Variants in TSR1 observed in about 807,000 individuals in gnomAD.
TSR1 encodes the protein pre-rRNA-processing protein TSR1 homolog.
A neutral mutation model predicts 90.9 loss-of-function variants in TSR1; 81 were observed. The ratio of observed to expected loss-of-function variants is 0.89; its 90% CI spans 0.74 to 1.07. TSR1 has a LOEUF of 1.07. TSR1 is among the 50% of genes least tolerant of loss of function. The probability of loss-of-function intolerance (pLI) is 0.00; values close to 1 mark genes in which losing one functional copy is unlikely to be tolerated. For missense variants in TSR1, 989 were observed against 987.3 expected (o/e 1.00, Z -0.02); for synonymous variants, 362 against 348.8 (o/e 1.04, Z -0.42).
At position 2,324,229 on chromosome 17, in the gene TSR1, AATCTCAC is replaced by A; in HGVS notation, c.2375_2381del (p.Ser792IlefsTer57). 6.5e-7 allele frequency: 1 copy of A among 1,528,690 alleles called. No homozygotes were observed. The highest frequency in any genetic ancestry group is 8.7e-7 in the Non-Finnish European group (1 of 1,144,482). 94.7% of individuals were successfully genotyped at this position (1,528,690 alleles called of 1,614,324 possible). A position where few individuals can be genotyped will look rare whatever the true frequency, so the allele number is the denominator to read the frequency against. On this transcript the variant is annotated frameshift_variant, in exon 15 of 15. Transcript: ENST00000301364. LOFTEE classifies it high-confidence loss of function. ...TGCCCCCTTGAGGCACTGTTGAAGA[AATCTCAC>A]TTTTCAGCCAGGGTACTGGTTCTGG...
In TSR1 at chr17:2,324,816, G is replaced by A; in HGVS notation, c.2034C>T (p.Leu678=). The A allele has an allele frequency of 1.2e-6, 2 of 1,611,522 alleles. No individual in the cohort carries two copies. Among genetic ancestry groups the A allele is most frequent in the Non-Finnish European group, 8.5e-7 (1 of 1,179,376 alleles). Residue 678 remains leucine, a synonymous_variant, in exon 13 of 15, where the codon CTC becomes CTT. Transcript: ENST00000301364. The stretch of plus-strand genomic sequence containing the variant: ...CTGACATAAGATGGCCTGTAGCAAT[G>A]AGGCTGTGCATTCCTAAAGGACAAA... The part of the protein sequence containing the change: ...FKQKSNGMHS[L]IATGHLMSVD...
intron 7 of TSR1, 125 bp from the exon 8 acceptor site, chr17:2,332,484 A>T: frequency 1.2e-6 from 1 of 821,638 alleles, no homozygotes; most frequent in Admixed American, 3.1e-5. Flanking sequence ...ATTCTAATAC[A>T]GTCTAAAGTA....
chr17:2,329,612 T>C (rs991018340), intron 10 of TSR1, 137 bp from the exon 11 acceptor site: 7 of 1,074,290 alleles, frequency 6.5e-6, no homozygotes, highest in African/African-American at 1.6e-5. Context: ...GGAGTGTAGA[T>C]GCTGAAACAC....
chr17:2,324,945 C>T, intron 12 of TSR1, 116 bp from the exon 13 acceptor site: 2 of 1,173,626 alleles, frequency 1.7e-6, no homozygotes, highest in Non-Finnish European at 2.3e-6. Flanking sequence ...TGCCCTAGCC[C>T]AATCTGAGGC....
rs2075564971 is a variant in TSR1 at position 2,324,776 on chromosome 17, T to C, written c.2074A>G (p.Met692Val). The change falls in exon 13 of 15, where the codon ATG (methionine) becomes GTG (valine). Residue 692 changes from methionine to valine, a missense_variant. Physicochemically the swap from Met to Val is conservative, Grantham distance 21. Coordinates refer to ENST00000301364, the MANE Select transcript of TSR1 (RefSeq NM_018128.5). ...CTCAGAACAACTCTCTTGATGACCA[T>C]TCTGTCTGGATCTACTGACATAAGA... ...GHLMSVDPDR[M>V]VIKRVVLSGH... 2 of 1,614,180 alleles carry C rather than the reference T, an allele frequency of 1.2e-6. No homozygotes were observed. The highest frequency in any genetic ancestry group is 4.5e-5 in the East Asian group (2 of 44,892).
chr17:2,333,237 AGACACT>A, intron 6 of TSR1, 113 bp from the exon 7 acceptor site: 1 of 1,253,844 alleles, frequency 8.0e-7, no homozygotes, highest in Non-Finnish European at 1.1e-6. Flanking sequence ...AAATTCTGGC[AGACACT>A]GTAAATAGAA....
At chr17:2,329,231 C>T in intron 11 of TSR1, 112 bp downstream of exon 11, 1 of 1,500,564 alleles carries the variant, frequency 6.7e-7, no homozygotes, top group Non-Finnish European at 9.3e-7. Context: ...ACTGAAAATA[C>T]CTCTAACCCA....
rs1597271984 is a variant in TSR1 at position 2,323,546 on chromosome 17, TAC to T, written c.*648_*649del. On this transcript the variant is annotated 3_prime_UTR_variant, in exon 15 of 15. Coordinates refer to ENST00000301364, the MANE Select transcript of TSR1 (RefSeq NM_018128.5). Reference sequence around the variant, plus strand: ...AAAGAAAAGCTTTGGGAAGCGTGTGTACACAGTGATAAGAAAATTCAAACTGG... The same window carrying T: ...AAAGAAAAGCTTTGGGAAGCGTGTGTACAGTGATAAGAAAATTCAAACTGG... The T allele has an allele frequency of 7.1e-6, 9 of 1,271,686 alleles. No homozygotes were observed. The highest frequency in any genetic ancestry group is 9.0e-6 in the Non-Finnish European group (8 of 892,102). 78.8% of individuals were successfully genotyped at this position (1,271,686 alleles called of 1,614,324 possible).
Position 2,324,114 on chromosome 17 carries a change from T to G in TSR1, c.*82A>C, listed in dbSNP as rs961125797. ...TGGACTGACAGGCTGACATAGAAAA[T>G]AAACTTTGCCCAATCACAACTTGTG... On this transcript the variant is annotated 3_prime_UTR_variant, in exon 15 of 15. Transcript: ENST00000301364. 1.1e-4 allele frequency: 165 copies of G among 1,485,824 alleles called. No individual in the cohort carries two copies. The highest frequency in any genetic ancestry group is 1.3e-4 in the Non-Finnish European group (149 of 1,114,198). The allele number at this position is 1,485,824 out of a possible 1,614,324, so 92.0% of individuals were successfully genotyped here.
chr17:2,328,241 C>CAAAAAAAAA (rs34888941), intron 11 of TSR1, among the ~76,000 whole-genome samples: 1 of 72,350 alleles, frequency 1.4e-5, no homozygotes. Flanking sequence ...GACTCGGTCT[C>CAAAAAAAAA]AAAAAAAAAA....
chr17:2,324,008 T>G lies in TSR1; in HGVS notation c.*188A>C. On this transcript the variant is annotated 3_prime_UTR_variant, in exon 15 of 15. Transcript: ENST00000301364. The stretch of plus-strand genomic sequence containing the variant: ...TTCATTAAGATTTAATAGTTTTTTT[T>G]GGACTAAGTAGTGGAAAAACTTTTA... The G allele has an allele frequency of 2.6e-6, 3 of 1,165,482 alleles. No individual in the cohort carries two copies. Among genetic ancestry groups the G allele is most frequent in the Non-Finnish European group, 3.6e-6 (3 of 834,984 alleles). 72.2% of individuals were successfully genotyped at this position (1,165,482 alleles called of 1,614,324 possible). A position where few individuals can be genotyped will look rare whatever the true frequency, so the allele number is the denominator to read the frequency against.
intron 11 of TSR1, among the ~76,000 whole-genome samples, chr17:2,328,367 C>G (rs1272877737): frequency 6.6e-6 from 1 of 151,298 alleles, no homozygotes; most frequent in African/African-American, 2.4e-5. Flanking sequence ...AACTCCTGGT[C>G]TTGGTGAAAC....
At chr17:2,325,157 A>T (rs1359985960) in intron 12 of TSR1, 147 bp downstream of exon 12, 2 of 669,236 alleles carry the variant, frequency 3.0e-6, no homozygotes, top group Non-Finnish European at 5.0e-6. Context: ...TGTTCTATTA[A>T]CAATGTTAAA....
rs2075550434 is a variant in TSR1, at chr17:2,323,362, A to G, written c.*834T>C. 6.2e-7 allele frequency: 1 copy of G among 1,613,580 alleles called. No homozygotes were observed. Among genetic ancestry groups the G allele is most frequent in the African/African-American group, 1.3e-5 (1 of 74,920 alleles). ...GAAATTAAGGTGAGGCTCCAGCAAGAAAAGAAATAGCAAAGCATGGTGTAA... is the reference window on the plus strand; with the variant it reads ...GAAATTAAGGTGAGGCTCCAGCAAGGAAAGAAATAGCAAAGCATGGTGTAA... On this transcript the variant is annotated 3_prime_UTR_variant, in exon 15 of 15. Coordinates refer to ENST00000301364, the MANE Select transcript of TSR1 (RefSeq NM_018128.5).
chr17:2,331,932 C>T (rs1446035240), intron 8 of TSR1, among the ~76,000 whole-genome samples: 1 of 152,150 alleles, frequency 6.6e-6, no homozygotes, highest in African/African-American at 2.4e-5. Context: ...TGCTAATTAA[C>T]CTTAGTATTT....
At position 2,329,382 on chromosome 17, in the gene TSR1, G is replaced by C; in HGVS notation, c.1864C>G (p.Arg622Gly). The C allele has an allele frequency of 6.2e-7, 1 of 1,614,142 alleles. No individual in the cohort carries two copies. The highest frequency in any genetic ancestry group is 8.5e-7 in the Non-Finnish European group (1 of 1,180,032). Reference sequence around the variant, plus strand: ...GAGAATAAAGGTGAGGCTCGGAAGCGCCTGAATCCACAGTGAAATATGAGC... The same window carrying C: ...GAGAATAAAGGTGAGGCTCGGAAGCCCCTGAATCCACAGTGAAATATGAGC... ...EELIFHCGFR[R>G]FRASPLFSQH... Residue 622 changes from arginine to glycine, a missense_variant, in exon 11 of 15, where the codon CGC (arginine) becomes GGC (glycine). By Grantham distance (125) the Arg-to-Gly change is moderately radical. Coordinates refer to ENST00000301364, the MANE Select transcript of TSR1 (RefSeq NM_018128.5).
chr17:2,323,189 C>T lies in TSR1; in HGVS notation c.*1007G>A, dbSNP rs1326078851. On this transcript the variant is annotated 3_prime_UTR_variant, in exon 15 of 15. Coordinates refer to ENST00000301364, the MANE Select transcript of TSR1 (RefSeq NM_018128.5). ...CTGCTGAACCCTCAAATGCAGATGA[C>T]TGCTACCAGTCCAAGCTGAAGGGGA... The T allele has an allele frequency of 6.2e-7, 1 of 1,614,214 alleles. No individual in the cohort carries two copies. Among genetic ancestry groups the T allele is most frequent in the Non-Finnish European group, 8.5e-7 (1 of 1,180,048 alleles).
rs376725351 is a variant in TSR1, at chr17:2,330,653, T to C, written c.1660-28A>G. ...GCCACAAGAAAGCAGAAAGCAATCA[T>C]GGAGTTACCTTTCAAAGTCCCAATA... On this transcript the variant is annotated intron_variant, in intron 9 of 14. Coordinates refer to ENST00000301364, the MANE Select transcript of TSR1 (RefSeq NM_018128.5). The C allele has an allele frequency of 1.0e-5, 16 of 1,601,956 alleles. No individual in the cohort carries two copies. The South Asian group carries it at 1.1e-4, about 11-fold the overall frequency.
Position 2,324,538 on chromosome 17 carries a change from C to T in TSR1, c.2202G>A (p.Lys734=). The T allele has an allele frequency of 1.2e-6, 2 of 1,614,222 alleles. No individual in the cohort carries two copies. The highest frequency in any genetic ancestry group is 1.7e-6 in the Non-Finnish European group (2 of 1,180,032). The change falls in exon 14 of 15, where the codon AAG becomes AAA. Residue 734 remains lysine, a synonymous_variant. Coordinates refer to ENST00000301364, the MANE Select transcript of TSR1 (RefSeq NM_018128.5). ...CCTTGATATGTCCTCTCCGGCCCCA[C>T]TTCGTTCTCAGTTCCACTGGTTTAA... The part of the protein sequence containing the change: ...LWFKPVELRT[K]WGRRGHIKEP...
Sources: allele counts gnomAD v4.1 joint callset (sites outside exome capture counted in the v4.1 genomes callset), GRCh38; gene constraint gnomAD v4.1.1; transcripts MANE v1.5; gene names NCBI Gene and HGNC (gene_info 2026-07-23, HGNC 2026-07-21).